The following ZC3H6 variants were observed in gnomAD, a reference collection of about 807,000 sequenced individuals.
ZC3H6 encodes zinc finger CCCH-type containing 6, also known as zinc finger CCCH domain-containing protein 6.
In ZC3H6, 40 loss-of-function variants were observed where a neutral mutation model predicts 107.7. That is an observed-to-expected ratio of 0.37 (90% CI 0.29 to 0.48). The LOEUF is 0.48. Ranked by LOEUF, ZC3H6 falls within the 20% of genes least tolerant of loss-of-function variation. The probability of loss-of-function intolerance (pLI) is 0.98; values close to 1 mark genes in which losing one functional copy is unlikely to be tolerated. For missense variants in ZC3H6, 1,267 were observed against 1,410.4 expected (o/e 0.90, Z 1.63); for synonymous variants, 493 against 487.9 (o/e 1.01, Z -0.14).
intron 1 of ZC3H6, among the ~76,000 whole-genome samples, chr2:112,285,479 C>T (rs570751279): frequency 6.6e-6 from 1 of 151,876 alleles, no homozygotes; most frequent in Middle Eastern, 3.2e-3. Flanking sequence ...CCCTTAGCCT[C>T]CTGAGTAGCT....
rs777047798 is a variant in ZC3H6 at position 112,316,621 on chromosome 2, T to C, written c.864+35T>C. On this transcript the variant is annotated intron_variant, in intron 6 of 11. Coordinates refer to ENST00000409871, the MANE Select transcript of ZC3H6 (RefSeq NM_198581.3). ...TAGAGGTATCATAAGTCATTTTAAC[T>C]TCCAAAATAATCTTTAAAATTAAAG... 30 of 1,327,730 alleles carry C rather than the reference T, an allele frequency of 2.3e-5. No homozygotes were observed. In the Middle Eastern group the frequency reaches 9.2e-4, roughly 41 times the overall value. 82.2% of individuals were successfully genotyped at this position (1,327,730 alleles called of 1,614,324 possible).
At position 112,332,395 on chromosome 2, in the gene ZC3H6, G is replaced by A. The variant is rs771881852; in HGVS notation, c.3477G>A (p.Pro1159=). 42 of 1,613,500 alleles carry A rather than the reference G, an allele frequency of 2.6e-5. 1 individual carries two copies. In the South Asian group the frequency reaches 3.1e-4, roughly 12 times the overall value. ...CAAGGCAGCCAGGACAGGGGAGCCC[G>A]ACCCCAGATAATGATCCCGGTAGAG... The part of the protein sequence containing the change: ...RQARQPGQGS[P]TPDNDPGRET... The change falls in exon 12 of 12, where the codon CCG becomes CCA. Residue 1159 remains proline (P), a synonymous_variant. Transcript: ENST00000409871.
At chr2:112,328,359 A>G (rs950769909) in intron 11 of ZC3H6, among the ~76,000 whole-genome samples, 4 of 152,216 alleles carry the variant, frequency 2.6e-5, no homozygotes, top group Middle Eastern at 3.4e-3. Context: ...AGTTTTTTCT[A>G]TATCTGTGAA....
At chr2:112,299,145 C>T (rs1676307028) in intron 1 of ZC3H6, among the ~76,000 whole-genome samples, 1 of 151,890 alleles carries the variant, frequency 6.6e-6, no homozygotes, top group Admixed American at 6.6e-5. Context: ...GGCGTGGTGG[C>T]AGGCGCCTGT....
At chr2:112,327,976 G>A (rs978109988) in intron 11 of ZC3H6, among the ~76,000 whole-genome samples, 2 of 151,790 alleles carry the variant, frequency 1.3e-5, no homozygotes, top group Non-Finnish European at 2.9e-5. Flanking sequence ...CACAACCTCT[G>A]CCTCCTAGGT....
At position 112,310,027 on chromosome 2, in the gene ZC3H6, G is replaced by T. The variant is rs745573026; in HGVS notation, c.479G>T (p.Gly160Val). 13 of 1,613,630 alleles carry T rather than the reference G, an allele frequency of 8.1e-6. No homozygotes were observed. The highest frequency in any genetic ancestry group is 1.0e-5 in the Non-Finnish European group (12 of 1,179,764). Residue 160 changes from glycine (G) to valine (V), a missense_variant, in exon 4 of 12, where the codon GGT (glycine) becomes GTT (valine). By Grantham distance (109) the Gly-to-Val change is moderately radical. Around this residue, in one of 3 missense-constraint regions of ZC3H6, gnomAD observed 337 missense variants for 361.2 expected, o/e 0.93. Coordinates refer to ENST00000409871, the MANE Select transcript of ZC3H6 (RefSeq NM_198581.3). ...AGTGATGACAACTTTGGTAACTACG[G>T]TCAGGAAACAGAGGAAGATTTTGCC... ...NYSDDNFGNYGQETEEDFANQ... is the reference protein window; with the variant it reads ...NYSDDNFGNYVQETEEDFANQ...
Position 112,289,050 on chromosome 2 carries a change from TTTC to T in ZC3H6, c.33-10796_33-10794del, listed in dbSNP as rs1411552369. On this transcript the variant is annotated intron_variant, in intron 1 of 11. Transcript: ENST00000409871. ...TGAGCTGAACTGAACCACTCTTTTT[TTTC>T]TTTTTTTTCTTTTTTTTTTTTGAGA... 2.0e-4 allele frequency among the ~76,000 whole-genome samples: 13 copies of T among 65,934 alleles called. No homozygotes were observed. The East Asian group carries it at 6.7e-3, about 34-fold the overall frequency. The allele number at this position is 65,934 out of a possible 152,430, so 43.3% of individuals were successfully genotyped here. A position where few individuals can be genotyped will look rare whatever the true frequency, so the allele number is the denominator to read the frequency against.
In ZC3H6 at chr2:112,311,792, T is replaced by C; in HGVS notation, c.614-12T>C. On this transcript the variant is annotated splice_polypyrimidine_tract_variant and intron_variant, in intron 4 of 11. Transcript: ENST00000409871. ...TTTTCTTTTAAATTTAAGTACATTTTAACTTTTCTAGGTATTGAACAGAGA... is the reference window on the plus strand; with the variant it reads ...TTTTCTTTTAAATTTAAGTACATTTCAACTTTTCTAGGTATTGAACAGAGA... 6.3e-7 allele frequency: 1 copy of C among 1,595,726 alleles called. No individual in the cohort carries two copies. Among genetic ancestry groups the C allele is most frequent in the Non-Finnish European group, 8.5e-7 (1 of 1,171,388 alleles).
Position 112,319,254 on chromosome 2 carries a change from C to T in ZC3H6, c.976+1922C>T, listed in dbSNP as rs558288027. On this transcript the variant is annotated intron_variant, in intron 7 of 11. Coordinates refer to ENST00000409871, the MANE Select transcript of ZC3H6 (RefSeq NM_198581.3). ...TGGTAGGTCACACCTGTAATCCTAA[C>T]ACTGGGATGCTGGGGTGGGAGGATT... Among the ~76,000 whole-genome samples, 7 of 152,238 alleles carry T rather than the reference C, an allele frequency of 4.6e-5. No homozygotes were observed. In the East Asian group the frequency reaches 1.4e-3, roughly 29 times the overall value.
chr2:112,288,396 G>A (rs1166081350), intron 1 of ZC3H6, among the ~76,000 whole-genome samples: 5 of 152,204 alleles, frequency 3.3e-5, no homozygotes, highest in Admixed American at 6.5e-5. Flanking sequence ...GTCACGAAGG[G>A]AAAGGAAGCT....
intron 1 of ZC3H6, among the ~76,000 whole-genome samples, chr2:112,290,646 A>G (rs1676095275): frequency 6.7e-6 from 1 of 149,406 alleles, no homozygotes; most frequent in Non-Finnish European, 1.5e-5. Flanking sequence ...TAAATGAATG[A>G]ATGGCCTTTT....
intron 1 of ZC3H6, among the ~76,000 whole-genome samples, chr2:112,288,800 A>G (rs1219951443): frequency 6.6e-5 from 10 of 152,178 alleles, no homozygotes; most frequent in Non-Finnish European, 1.5e-4. Context: ...TTCATGAAAT[A>G]AGAGATTTCA....
chr2:112,311,245 G>A (rs1009269568), intron 4 of ZC3H6, among the ~76,000 whole-genome samples: 1 of 152,152 alleles, frequency 6.6e-6, no homozygotes, highest in African/African-American at 2.4e-5. Context: ...AGCAAGCTAT[G>A]TTCTTACCAC....
chr2:112,301,281 T>A (rs1436931045), intron 2 of ZC3H6, among the ~76,000 whole-genome samples: 1 of 152,138 alleles, frequency 6.6e-6, no homozygotes, highest in Non-Finnish European at 1.5e-5. Flanking sequence ...GAACCCCAAA[T>A]ATGAATCAAC....
intron 4 of ZC3H6, 44 bp from the exon 5 acceptor site, chr2:112,311,760 A>T: frequency 6.6e-7 from 1 of 1,523,800 alleles, no homozygotes; most frequent in Non-Finnish European, 8.9e-7. Flanking sequence ...ATTGAAAGGT[A>T]TGCTGTTTTT....
intron 1 of ZC3H6, among the ~76,000 whole-genome samples, chr2:112,283,414 CAAAT>C (rs143986709): frequency 7.2e-5 from 11 of 152,110 alleles, no homozygotes; most frequent in East Asian, 1.9e-4. Flanking sequence ...TCTTGAATGG[CAAAT>C]AAATAAATAA....
chr2:112,310,753 A>T (rs558605846), intron 4 of ZC3H6, among the ~76,000 whole-genome samples: 1 of 152,318 alleles, frequency 6.6e-6, no homozygotes, highest in Non-Finnish European at 1.5e-5. Context: ...TGGCTAGTCA[A>T]TGTATCTGCT....
rs549858230 is a variant in ZC3H6, at chr2:112,309,370, A to G, written c.337-515A>G. Among the ~76,000 whole-genome samples the G allele has an allele frequency of 1.1e-4, 17 of 152,316 alleles. 1 individual carries two copies. Among genetic ancestry groups the G allele is most frequent in the African/African-American group, 3.1e-4 (13 of 41,570 alleles). On this transcript the variant is annotated intron_variant, in intron 3 of 11. Coordinates refer to ENST00000409871, the MANE Select transcript of ZC3H6 (RefSeq NM_198581.3). Reference sequence around the variant, plus strand: ...ACTTATTCACTAGATGTTTTTCACTATTAGGGAAAGCTCTGTTTTTTCTAT... The same window carrying G: ...ACTTATTCACTAGATGTTTTTCACTGTTAGGGAAAGCTCTGTTTTTTCTAT...
chr2:112,282,568 A>G (rs1482267477), intron 1 of ZC3H6, among the ~76,000 whole-genome samples: 1 of 152,202 alleles, frequency 6.6e-6, no homozygotes, highest in East Asian at 1.9e-4. Context: ...AAGTTTCCCA[A>G]GATCACAAAG....
Sources: gnomAD v4.1 joint callset for allele counts (sites outside exome capture counted in the v4.1 genomes callset) on GRCh38, gnomAD v4.1.1 for gene constraint, gnomAD v4.1.1 regional missense constraint, MANE v1.5 for transcripts, NCBI Gene and HGNC (gene_info 2026-07-23, HGNC 2026-07-21) for gene names.